Variants in ATP10B observed in about 807,000 individuals in gnomAD.
The protein encoded by ATP10B is ATPase phospholipid transporting 10B (putative).
Under a neutral mutation model 141.2 loss-of-function variants are expected in ATP10B, and 122 were observed. The ratio of observed to expected loss-of-function variants is 0.86; its 90% CI spans 0.75 to 1.00. The LOEUF is 1.00. Among genes scored for constraint, ATP10B ranks in the 50% least tolerant of loss-of-function variants. The probability of loss-of-function intolerance (pLI) is 0.00; values close to 1 mark genes in which losing one functional copy is unlikely to be tolerated. For synonymous variants in ATP10B, 685 were observed against 692.0 expected (o/e 0.99, Z 0.16); for missense variants, 1,876 against 1,825.3 (o/e 1.03, Z -0.51).
chr5:160,810,238 A>T (rs185485006), intron 1 of ATP10B, among the ~76,000 whole-genome samples: 4 of 152,048 alleles, frequency 2.6e-5, no homozygotes, highest in Admixed American at 6.5e-5. Context: ...ATCTTCTTTC[A>T]TAATATGGAA....
At chr5:160,701,713 A>G (rs565924110) in intron 3 of ATP10B, among the ~76,000 whole-genome samples, 4 of 151,532 alleles carry the variant, frequency 2.6e-5, no homozygotes, top group Non-Finnish European at 5.9e-5. Flanking sequence ...CCTCTACCCA[A>G]TGCCTTCTGG....
intron 24 of ATP10B, among the ~76,000 whole-genome samples, chr5:160,585,086 C>T (rs1223145227): frequency 6.6e-6 from 1 of 152,184 alleles, no homozygotes; most frequent in Non-Finnish European, 1.5e-5. Flanking sequence ...AATATTGCTT[C>T]TCCATCATTC....
chr5:160,709,581 C>T (rs1382614333), intron 3 of ATP10B, among the ~76,000 whole-genome samples: 1 of 148,098 alleles, frequency 6.8e-6, no homozygotes, highest in Non-Finnish European at 1.5e-5. Context: ...GCAATGGATA[C>T]TTTCATAAAC....
rs778704572 is a variant in ATP10B, at chr5:160,591,068, G to T, written c.3636C>A (p.Ile1212=). 5 of 1,613,680 alleles carry T rather than the reference G, an allele frequency of 3.1e-6. No homozygotes were observed. In the South Asian group the frequency reaches 5.5e-5, roughly 18 times the overall value. ...AFYQSLICFF[I]PYLAYKGSDI... ...GGACTACATGACTTACCAGGTAAGG[G>T]ATAAAGAAACAGATGAGGCTCTGGT... The change falls in exon 23 of 26, where the codon ATC becomes ATA. Residue 1212 remains isoleucine (I), a synonymous_variant. Transcript: ENST00000327245.
chr5:160,844,535 C>G (rs1776000392), intron 1 of ATP10B, among the ~76,000 whole-genome samples: 2 of 151,732 alleles, frequency 1.3e-5, no homozygotes, highest in South Asian at 4.2e-4. Flanking sequence ...GTCCCAATAA[C>G]TTAATAAATA....
In ATP10B at chr5:160,687,989, G is replaced by T; in HGVS notation, c.86C>A (p.Pro29Gln). Residue 29 changes from proline (P) to glutamine (Q), a missense_variant, in exon 5 of 26, where the codon CCG becomes CAG. Physicochemically the swap from Pro to Gln is moderately conservative, Grantham distance 76 (BLOSUM62 -1). Coordinates refer to ENST00000327245, the MANE Select transcript of ATP10B (RefSeq NM_025153.3). ...GFPHCPSETTPLLSPEKGRQS... is the reference protein window; with the variant it reads ...GFPHCPSETTQLLSPEKGRQS... ...TCTCCCTTTCTCTGGAGAGAGCAGCGGTGTGGTTTCCGATGGACAATGGGG... is the reference window on the plus strand; with the variant it reads ...TCTCCCTTTCTCTGGAGAGAGCAGCTGTGTGGTTTCCGATGGACAATGGGG... 3 of 1,614,022 alleles carry T rather than the reference G, an allele frequency of 1.9e-6. No individual in the cohort carries two copies. Among genetic ancestry groups the T allele is most frequent in the Non-Finnish European group, 2.5e-6 (3 of 1,180,012 alleles).
intron 6 of ATP10B, among the ~76,000 whole-genome samples, chr5:160,673,668 T>G (rs1028856504): frequency 2.6e-5 from 4 of 152,230 alleles, no homozygotes; most frequent in African/African-American, 9.6e-5. Context: ...ATTTGATTAT[T>G]TAAACATTTT....
intron 2 of ATP10B, among the ~76,000 whole-genome samples, chr5:160,775,282 G>A (rs938207600): frequency 1.3e-5 from 2 of 152,284 alleles, no homozygotes; most frequent in African/African-American, 2.4e-5. Context: ...CTTGCCCCTC[G>A]AGGACAGAGG....
rs2127601928 is a variant in ATP10B, at chr5:160,581,611, A to C, written c.3750+7981T>G. 2.0e-5 allele frequency among the ~76,000 whole-genome samples: 3 copies of C among 152,302 alleles called. No individual in the cohort carries two copies. In the Middle Eastern group the frequency reaches 0.01, roughly 518 times the overall value. On this transcript the variant is annotated intron_variant, in intron 24 of 25. Coordinates refer to ENST00000327245, the MANE Select transcript of ATP10B (RefSeq NM_025153.3). ...GAATAAGTGTGATGTGGTGCTGAGAAGAATGTATATTCTGTTGATTTGGGG... is the reference window on the plus strand; with the variant it reads ...GAATAAGTGTGATGTGGTGCTGAGACGAATGTATATTCTGTTGATTTGGGG...
At chr5:160,919,361 C>G in the ATP10B span, among the ~76,000 whole-genome samples, 2 of 151,166 alleles carry the variant, frequency 1.3e-5, no homozygotes, top group African/African-American at 4.9e-5. Context: ...GGCTATGATA[C>G]TGTGCAAAAT....
At chr5:160,722,673 A>G (rs1766068902) in intron 2 of ATP10B, among the ~76,000 whole-genome samples, 1 of 152,216 alleles carries the variant, frequency 6.6e-6, no homozygotes, top group African/African-American at 2.4e-5. Context: ...GCCCAAATAA[A>G]GAAGCATCTG....
chr5:160,675,878 A>AG (rs201534360), intron 6 of ATP10B, among the ~76,000 whole-genome samples: 2,629 of 41,224 alleles, frequency 0.064, 84 homozygotes, highest in African/African-American at 0.19. Flanking sequence ...GGGGTGGGGG[A>AG]GGGGGGGCGA....
chr5:160,695,155 G>A (rs902836818), intron 3 of ATP10B, among the ~76,000 whole-genome samples: 17 of 152,182 alleles, frequency 1.1e-4, no homozygotes, highest in Admixed American at 1.1e-3. Flanking sequence ...AAGGATTAAA[G>A]GCAGGGGCAA....
intron 3 of ATP10B, among the ~76,000 whole-genome samples, chr5:160,709,078 G>A (rs1352842598): frequency 1.3e-5 from 2 of 152,124 alleles, no homozygotes; most frequent in African/African-American, 2.4e-5. Context: ...ATATACCAAT[G>A]ACAACAAAAA....
chr5:160,750,565 C>A (rs746777179), intron 2 of ATP10B, among the ~76,000 whole-genome samples: 1 of 152,180 alleles, frequency 6.6e-6, no homozygotes, highest in Non-Finnish European at 1.5e-5. Context: ...CCATGACCCA[C>A]ACTGTTTCAC....
At chr5:160,775,366 A>G (rs753431412) in intron 2 of ATP10B, among the ~76,000 whole-genome samples, 2 of 152,188 alleles carry the variant, frequency 1.3e-5, no homozygotes, top group Non-Finnish European at 2.9e-5. Context: ...TTTTAATTTG[A>G]TAGTGCCTGC....
chr5:160,778,694 T>G (rs543459786), intron 2 of ATP10B, among the ~76,000 whole-genome samples: 1 of 152,312 alleles, frequency 6.6e-6, no homozygotes, highest in East Asian at 1.9e-4. Context: ...AAATTACAGA[T>G]ATGTTATAAA....
chr5:160,656,603 A>C (rs1289898267), intron 7 of ATP10B, among the ~76,000 whole-genome samples: 1 of 152,220 alleles, frequency 6.6e-6, no homozygotes, highest in Non-Finnish European at 1.5e-5. Flanking sequence ...AATTTCATTT[A>C]CCACTTCACT....
In ATP10B at chr5:160,637,357, C is replaced by T. The variant is rs373276353; in HGVS notation, c.1001-1048G>A. 1.5e-4 allele frequency among the ~76,000 whole-genome samples: 23 copies of T among 152,322 alleles called. 1 individual carries two copies. Among genetic ancestry groups the T allele is most frequent in the East Asian group, 1.2e-3 (6 of 5,180 alleles). On this transcript the variant is annotated intron_variant, in intron 10 of 25. Coordinates refer to ENST00000327245, the MANE Select transcript of ATP10B (RefSeq NM_025153.3). ...TCCATCCATTCATCCATCCATCCAT[C>T]TATGTTTACCCATTCATCCCTCCCT... is the stretch of plus-strand genomic sequence containing the variant.
Sources: gnomAD v4.1 joint callset for allele counts (sites outside exome capture counted in the v4.1 genomes callset) on GRCh38, gnomAD v4.1.1 for gene constraint, MANE v1.5 for transcripts, NCBI Gene and HGNC (gene_info 2026-07-23, HGNC 2026-07-21) for gene names.